PAPOLA: variants seen among roughly 807,000 people sequenced by gnomAD.
PAPOLA encodes poly(A) polymerase alpha, also known as polynucleotide adenylyltransferase alpha.
A neutral mutation model predicts 100.6 loss-of-function variants in PAPOLA; 15 were observed. The ratio of observed to expected loss-of-function variants is 0.15; its 90% CI spans 0.10 to 0.23. The LOEUF (loss-of-function observed/expected upper bound fraction) is 0.23. Among genes scored for constraint, PAPOLA ranks in the 10% least tolerant of loss-of-function variants. The probability of loss-of-function intolerance (pLI) is 1.00; values close to 1 mark genes in which losing one functional copy is unlikely to be tolerated. For synonymous variants in PAPOLA, 293 were observed against 300.0 expected (o/e 0.98, Z 0.24); for missense variants, 533 against 884.2 (o/e 0.60, Z 5.04).
intron 15 of PAPOLA, among the ~76,000 whole-genome samples, 196 bp downstream of exon 15, chr14:96,544,454 T>G (rs905424906): frequency 6.6e-6 from 1 of 152,034 alleles, no homozygotes; most frequent in Non-Finnish European, 1.5e-5. Flanking sequence ...CAGAAGTGTT[T>G]AGGATTTTTT....
chr14:96,565,162 G>T lies in PAPOLA; in HGVS notation c.*112G>T. On this transcript the variant is annotated 3_prime_UTR_variant, in exon 22 of 22. Coordinates refer to ENST00000216277, the MANE Select transcript of PAPOLA (RefSeq NM_032632.5). ...CTAGACATGACTGAAATGGATTTGG[G>T]TTTTTTGGTGACCTCCCTTACTGGG... 1 of 664,482 alleles carries T rather than the reference G, an allele frequency of 1.5e-6. No homozygotes were observed. The highest frequency in any genetic ancestry group is 4.0e-4 in the Middle Eastern group (1 of 2,498). 41.2% of individuals were successfully genotyped at this position (664,482 alleles called of 1,614,324 possible). A position where few individuals can be genotyped will look rare whatever the true frequency, so the allele number is the denominator to read the frequency against.
intron 1 of PAPOLA, chr14:96,504,160 G>A (rs1896547093): frequency 6.6e-6 from 1 of 152,156 alleles, no homozygotes; most frequent in African/African-American, 2.4e-5. Context: ...GCGTTATTAA[G>A]TTAACATTTT....
At chr14:96,522,312 C>T (rs1898067086) in intron 3 of PAPOLA, among the ~76,000 whole-genome samples, 1 of 151,510 alleles carries the variant, frequency 6.6e-6, no homozygotes, top group African/African-American at 2.4e-5. Context: ...TAGAGATGGG[C>T]TTTTGCCACG....
chr14:96,517,390 C>T (rs1045684684), intron 1 of PAPOLA, among the ~76,000 whole-genome samples: 1 of 151,166 alleles, frequency 6.6e-6, no homozygotes, highest in Non-Finnish European at 1.5e-5. Context: ...GTTGCGTGCT[C>T]TTATGGCAGA....
rs2140206362 is a variant in PAPOLA, at chr14:96,502,429, AAGG to A, written c.-158_-156del. On this transcript the variant is annotated 5_prime_UTR_variant, in exon 1 of 22. Coordinates refer to ENST00000216277, the MANE Select transcript of PAPOLA (RefSeq NM_032632.5). ...CGGGCGCCATGTTAGGACGAAGGGG[AAGG>A]AGGAGAAGCGCTTAAAGCGGCGGGA... The A allele has an allele frequency of 1.4e-6, 1 of 699,556 alleles. No homozygotes were observed. Among genetic ancestry groups the A allele is most frequent in the Non-Finnish European group, 2.6e-6 (1 of 383,916 alleles). The allele number at this position is 699,556 out of a possible 1,614,324, so 43.3% of individuals were successfully genotyped here.
At chr14:96,532,174 C>T (rs1399858607) in intron 7 of PAPOLA, 157 bp from the exon 8 acceptor site, 1 of 1,398,318 alleles carries the variant, frequency 7.2e-7, no homozygotes, top group Non-Finnish European at 9.2e-7. Context: ...TTTACTGGTT[C>T]TACCAAATAA....
At chr14:96,546,593 T>C (rs1323030422) in intron 15 of PAPOLA, among the ~76,000 whole-genome samples, 1 of 152,140 alleles carries the variant, frequency 6.6e-6, no homozygotes, top group Non-Finnish European at 1.5e-5. Flanking sequence ...TAGTAAGTAA[T>C]ATACCCAGTG....
chr14:96,535,420 T>C, intron 10 of PAPOLA: 1 of 983,046 alleles, frequency 1.0e-6, no homozygotes, highest in Non-Finnish European at 1.2e-6. Flanking sequence ...ATGGATAATG[T>C]AGTTTCACCG....
chr14:96,532,304 G>GTT (rs771755320), intron 7 of PAPOLA, 27 bp from the exon 8 acceptor site: 28 of 1,560,360 alleles, frequency 1.8e-5, no homozygotes, highest in African/African-American at 1.1e-4. Context: ...GTGTGTGTGT[G>GTT]TGTTTTTTTT....
chr14:96,553,685 G>GT (rs1460492002), intron 17 of PAPOLA, among the ~76,000 whole-genome samples: 1 of 152,016 alleles, frequency 6.6e-6, no homozygotes, highest in African/African-American at 2.4e-5. Context: ...GCTGATTACT[G>GT]TATTTTTGTG....
At chr14:96,551,192 C>T (rs1300365336) in intron 16 of PAPOLA, among the ~76,000 whole-genome samples, 5 of 152,208 alleles carry the variant, frequency 3.3e-5, no homozygotes, top group Non-Finnish European at 5.9e-5. Context: ...TTTAGACCAA[C>T]CAGATAAACT....
chr14:96,531,854 G>T (rs1250275710), intron 7 of PAPOLA: 36 of 1,388,688 alleles, frequency 2.6e-5, no homozygotes, highest in Non-Finnish European at 3.2e-5. Context: ...TGTTGCTAGT[G>T]ATTTAGGTTT....
intron 3 of PAPOLA, among the ~76,000 whole-genome samples, chr14:96,524,284 A>G (rs967393221): frequency 1.3e-5 from 2 of 152,032 alleles, no homozygotes; most frequent in Non-Finnish European, 2.9e-5. Context: ...AAAGCTTGGG[A>G]CTTTACACTA....
chr14:96,502,895 C>T (rs904415562), intron 1 of PAPOLA: 2 of 393,594 alleles, frequency 5.1e-6, no homozygotes, highest in Non-Finnish European at 9.0e-6. Context: ...GCCACTCCAG[C>T]TTCTCCGCCC....
chr14:96,502,948 C>G lies in PAPOLA; in HGVS notation c.8+348C>G, dbSNP rs1896412278. 2.4e-5 allele frequency: 7 copies of G among 292,064 alleles called. No individual in the cohort carries two copies. The South Asian group carries it at 5.6e-4, about 23-fold the overall frequency. The allele number at this position is 292,064 out of a possible 1,614,324, so 18.1% of individuals were successfully genotyped here. A position where few individuals can be genotyped will look rare whatever the true frequency, so the allele number is the denominator to read the frequency against. Reference sequence around the variant, plus strand: ...AAAACAACCCGAAAACAAAACATTGCCTGGTGGTGGGGAACCACGACCCTG... The same window carrying G: ...AAAACAACCCGAAAACAAAACATTGGCTGGTGGTGGGGAACCACGACCCTG... On this transcript the variant is annotated intron_variant, in intron 1 of 21. Coordinates refer to ENST00000216277, the MANE Select transcript of PAPOLA (RefSeq NM_032632.5).
At chr14:96,540,598 A>G (rs777905676) in intron 12 of PAPOLA, among the ~76,000 whole-genome samples, 1 of 152,142 alleles carries the variant, frequency 6.6e-6, no homozygotes, top group Admixed American at 6.5e-5. Context: ...TATTTGGGCC[A>G]TCTGTGCTTG....
chr14:96,536,930 A>G (rs1899590125), intron 11 of PAPOLA, 46 bp from the exon 12 acceptor site: 3 of 1,060,620 alleles, frequency 2.8e-6, no homozygotes, highest in Non-Finnish European at 4.4e-6. Context: ...AAAATTCTAG[A>G]TTGTAGACTG....
chr14:96,547,914 A>G lies in PAPOLA; in HGVS notation c.1517A>G (p.Lys506Arg), dbSNP rs779033344. The change falls in exon 16 of 22, where the codon AAA becomes AGA. Residue 506 changes from lysine to arginine, a missense_variant. Lys to Arg is a conservative substitution (Grantham distance 26). Transcript: ENST00000216277. ...CCTAATCATGTGCTTCAGAAAAAGA[A>G]AAAGGTAAATTTAGAAAGTACTTAC... ...LLPNHVLQKK[K>R]KHSTEGVKLT... 6.2e-7 allele frequency: 1 copy of G among 1,600,616 alleles called. No homozygotes were observed. Among genetic ancestry groups the G allele is most frequent in the South Asian group, 1.1e-5 (1 of 88,266 alleles).
Position 96,547,784 on chromosome 14 carries a change from C to T in PAPOLA, c.1400-13C>T, listed in dbSNP as rs1188845054. On this transcript the variant is annotated splice_polypyrimidine_tract_variant and intron_variant, in intron 15 of 21. Transcript: ENST00000216277. ...ATGTTTCTATTTCTTGTAACAATTT[C>T]CTAATTGTATAGTTTATAGGCAAGC... 6.3e-7 allele frequency: 1 copy of T among 1,575,416 alleles called. No individual in the cohort carries two copies. The highest frequency in any genetic ancestry group is 2.3e-5 in the East Asian group (1 of 44,260).
Sources: allele counts gnomAD v4.1 joint callset (sites outside exome capture counted in the v4.1 genomes callset), GRCh38; gene constraint gnomAD v4.1.1; transcripts MANE v1.5; gene names NCBI Gene and HGNC (gene_info 2026-07-23, HGNC 2026-07-21).